NUP54: variants seen among roughly 807,000 people sequenced by gnomAD.
The protein encoded by NUP54 is nucleoporin p54.
A neutral mutation model predicts 66.4 loss-of-function variants in NUP54; 27 were observed. That is an observed-to-expected ratio of 0.41 (90% confidence interval 0.30 to 0.56). The LOEUF is 0.56. Among genes scored for constraint, NUP54 ranks in the 20% least tolerant of loss-of-function variants. NUP54 has a pLI of 0.34. For synonymous variants in NUP54, 206 were observed against 210.7 expected, an observed-to-expected ratio of 0.98 and a Z score of 0.19; for missense variants, 486 against 596.3, an observed-to-expected ratio of 0.82 and a Z score of 1.93.
At chr4:76,146,375 A>G (rs2109916391) in intron 1 of NUP54, among the ~76,000 whole-genome samples, 1 of 152,302 alleles carries the variant, frequency 6.6e-6, no homozygotes, top group Non-Finnish European at 1.5e-5. Context: ...CCCAGTGCCA[A>G]TTTTAAGCAA....
At position 76,118,114 on chromosome 4, in the gene NUP54, A is replaced by G; in HGVS notation, c.1245T>C (p.Asp415=). Reference sequence around the variant, plus strand: ...GTGCATTTAGTTCACCCTGAATCGTATCCAGCTGAACTCGCAACTGCTCTT... The same window carrying G: ...GTGCATTTAGTTCACCCTGAATCGTGTCCAGCTGAACTCGCAACTGCTCTT... ...ADEEQLRVQL[D]TIQGELNAPT... The change falls in exon 10 of 12, where the codon GAT becomes GAC. Residue 415 remains aspartate, a synonymous_variant. Coordinates refer to ENST00000264883, the MANE Select transcript of NUP54 (RefSeq NM_017426.4). 1 of 1,613,840 alleles carries G rather than the reference A, an allele frequency of 6.2e-7. No homozygotes were observed.
rs572116688 is a variant in NUP54, at chr4:76,115,050, A to G, written c.*316T>C. ...CAGAGTACAGGCTCAATGGACAATA[A>G]TCATTAAACACAGATTATGTTTAAG... On this transcript the variant is annotated 3_prime_UTR_variant, in exon 12 of 12. Coordinates refer to ENST00000264883, the MANE Select transcript of NUP54 (RefSeq NM_017426.4). 1.5e-4 allele frequency: 29 copies of G among 189,490 alleles called. No homozygotes were observed. Among genetic ancestry groups the G allele is most frequent in the Non-Finnish European group, 2.2e-4 (21 of 93,338 alleles). The allele number at this position is 189,490 out of a possible 1,614,324, so 11.7% of individuals were successfully genotyped here.
intron 5 of NUP54, among the ~76,000 whole-genome samples, chr4:76,133,001 G>A (rs72655523): frequency 0.2 from 29,766 of 150,138 alleles, 3,410 homozygotes; most frequent in Middle Eastern, 0.34. Flanking sequence ...CTGCACACCC[G>A]CTACGTTTAG....
chr4:76,121,614 T>G (rs754440883), intron 9 of NUP54, among the ~76,000 whole-genome samples: 1 of 152,200 alleles, frequency 6.6e-6, no homozygotes, highest in Non-Finnish European at 1.5e-5. Flanking sequence ...ATAGGTGCCA[T>G]GTCATCACAC....
intron 11 of NUP54, among the ~76,000 whole-genome samples, chr4:76,116,711 T>C (rs1729966241): frequency 6.6e-6 from 1 of 152,172 alleles, no homozygotes; most frequent in Admixed American, 6.5e-5. Context: ...TCTCAAACTT[T>C]AAAGTGCATA....
chr4:76,148,332 C>T lies in NUP54; in HGVS notation c.43G>A (p.Ala15Thr). 4 of 1,536,294 alleles carry T rather than the reference C, an allele frequency of 2.6e-6. No individual in the cohort carries two copies. Among genetic ancestry groups the T allele is most frequent in the South Asian group, 1.3e-5 (1 of 79,930 alleles). The stretch of plus-strand genomic sequence containing the variant: ...CCCGCGGGGGCCGCGGTGGCTGCAG[C>T]GGTACCGGAGGTGCCCGAGGGAGCC... Reference protein sequence around the residue: ...FGAPSGTSGTAAATAAPAGGF... With the variant: ...FGAPSGTSGTTAATAAPAGGF... Residue 15 changes from alanine (A) to threonine (T), a missense_variant, in exon 1 of 12, where the codon GCT (alanine) becomes ACT (threonine). Transcript: ENST00000264883.
At position 76,134,136 on chromosome 4, in the gene NUP54, A is replaced by C. The variant is rs199719595; in HGVS notation, c.710+39T>G. 32 of 1,441,726 alleles carry C rather than the reference A, an allele frequency of 2.2e-5. No individual in the cohort carries two copies. The African/African-American group carries it at 4.6e-4, about 21-fold the overall frequency. The allele number at this position is 1,441,726 out of a possible 1,614,324, so 89.3% of individuals were successfully genotyped here. A position where few individuals can be genotyped will look rare whatever the true frequency, so the allele number is the denominator to read the frequency against. On this transcript the variant is annotated intron_variant, in intron 5 of 11. Transcript: ENST00000264883. Reference sequence around the variant, plus strand: ...TGATCACTCCCTTAGGACCAGAAATAAATACACAGAAATAAACAGTATATT... The same window carrying C: ...TGATCACTCCCTTAGGACCAGAAATCAATACACAGAAATAAACAGTATATT...
At chr4:76,140,967 A>T (rs1466842122) in intron 3 of NUP54, among the ~76,000 whole-genome samples, 2 of 152,240 alleles carry the variant, frequency 1.3e-5, no homozygotes, top group Non-Finnish European at 1.5e-5. Context: ...CTAACAGAGC[A>T]GAAAGTATCA....
At chr4:76,120,205 G>A (rs1481726482) in intron 9 of NUP54, among the ~76,000 whole-genome samples, 3 of 152,018 alleles carry the variant, frequency 2.0e-5, no homozygotes, top group African/African-American at 7.2e-5. Context: ...ACATTTTGGT[G>A]CATATATCTA....
rs774622753 is a variant in NUP54 at position 76,115,323 on chromosome 4, A to G, written c.*43T>C. 1 of 1,515,262 alleles carries G rather than the reference A, an allele frequency of 6.6e-7. No individual in the cohort carries two copies. The highest frequency in any genetic ancestry group is 8.8e-7 in the Non-Finnish European group (1 of 1,133,976). The allele number at this position is 1,515,262 out of a possible 1,614,324, so 93.9% of individuals were successfully genotyped here. A position where few individuals can be genotyped will look rare whatever the true frequency, so the allele number is the denominator to read the frequency against. On this transcript the variant is annotated 3_prime_UTR_variant, in exon 12 of 12. Transcript: ENST00000264883. ...ATTCTTAAGGAAGGTCTGATGCAGT[A>G]AGAAGATGCATTTCACAAACCTTTA...
At chr4:76,118,583 G>GGGTGGGGGT (rs1553941253) in intron 9 of NUP54, 1 of 93,202 alleles carries the variant, frequency 1.1e-5, no homozygotes, top group African/African-American at 4.8e-5. Flanking sequence ...TGGGGGGGGG[G>GGGTGGGGGT]GTCTCACTAT....
chr4:76,121,976 C>A (rs977143345), intron 9 of NUP54, among the ~76,000 whole-genome samples: 1 of 152,234 alleles, frequency 6.6e-6, no homozygotes, highest in East Asian at 1.9e-4. Flanking sequence ...TTTATGAAAA[C>A]CTCCAAGATA....
chr4:76,133,897 C>T (rs1333775126), intron 5 of NUP54, among the ~76,000 whole-genome samples: 2 of 152,102 alleles, frequency 1.3e-5, no homozygotes, highest in Non-Finnish European at 1.5e-5. Flanking sequence ...CCAATAACAT[C>T]TTTATGGCCC....
At chr4:76,147,752 A>G in intron 1 of NUP54, 1 of 831,358 alleles carries the variant, frequency 1.2e-6, no homozygotes. Flanking sequence ...AGAAGTGAAC[A>G]AACCTGGTTT....
In NUP54 at chr4:76,124,745, T is replaced by C; in HGVS notation, c.1068A>G (p.Glu356=). The C allele has an allele frequency of 7.6e-7, 1 of 1,318,690 alleles. No individual in the cohort carries two copies. The highest frequency in any genetic ancestry group is 1.0e-6 in the Non-Finnish European group (1 of 972,098). The allele number at this position is 1,318,690 out of a possible 1,614,324, so 81.7% of individuals were successfully genotyped here. The change falls in exon 9 of 12, where the codon GAA becomes GAG. Residue 356 remains glutamate (E), a synonymous_variant. Transcript: ENST00000264883. ...QHQTRLDIIS[E]DISELQKNQT... ...GATTCTTTTGTAGCTCACTAATATC[T>C]TCAGATATGATCTGTTTAAAAAAAA...
Position 76,121,776 on chromosome 4 carries a change from G to A in NUP54, c.1164+2873C>T, listed in dbSNP as rs1730248245. Among the ~76,000 whole-genome samples the A allele has an allele frequency of 2.0e-5, 3 of 152,238 alleles. No individual in the cohort carries two copies. The South Asian group carries it at 6.2e-4, about 32-fold the overall frequency. ...CCTATTTTACAGTTTTGTCACCATA[G>A]TGAATGGAACATTTTCCTATTTCCA... On this transcript the variant is annotated intron_variant, in intron 9 of 11. Coordinates refer to ENST00000264883, the MANE Select transcript of NUP54 (RefSeq NM_017426.4).
chr4:76,121,622 C>T (rs1039404301), intron 9 of NUP54, among the ~76,000 whole-genome samples: 1 of 152,190 alleles, frequency 6.6e-6, no homozygotes, highest in Non-Finnish European at 1.5e-5. Context: ...CATGTCATCA[C>T]ACCCAGCTTA....
intron 9 of NUP54, chr4:76,118,447 G>A (rs1233948678): frequency 4.9e-5 from 19 of 385,330 alleles, no homozygotes; most frequent in Middle Eastern, 7.9e-4. Context: ...GTGCAGTGGC[G>A]TAAACACAGC....
chr4:76,142,045 G>A (rs908306755), intron 3 of NUP54, among the ~76,000 whole-genome samples: 3 of 151,940 alleles, frequency 2.0e-5, no homozygotes, highest in Non-Finnish European at 4.4e-5. Context: ...CCTGACATAC[G>A]ATATATACAA....
Sources: gnomAD v4.1 joint callset for allele counts (sites outside exome capture counted in the v4.1 genomes callset) on GRCh38, gnomAD v4.1.1 for gene constraint, MANE v1.5 for transcripts, NCBI Gene and HGNC (gene_info 2026-07-23, HGNC 2026-07-21) for gene names.